Variants in PGPEP1 observed in about 807,000 individuals in gnomAD.
The protein encoded by PGPEP1 is pyroglutamyl-peptidase 1.
In PGPEP1, 15 loss-of-function variants were observed where a neutral mutation model predicts 24.1. The observed-to-expected ratio is 0.62, with a 90% CI of 0.42 to 0.96. The LOEUF (loss-of-function observed/expected upper bound fraction) is 0.96. Ranked by LOEUF, PGPEP1 falls within the 40% of genes least tolerant of loss-of-function variation. The pLI, the probability that PGPEP1 is intolerant of heterozygous loss-of-function variation, is 0.00. For synonymous variants in PGPEP1, 122 were observed against 116.4 expected (o/e 1.05, Z -0.31); for missense variants, 242 against 273.4 (o/e 0.89, Z 0.81).
In PGPEP1 at chr19:18,367,632, A is replaced by C. The variant is rs375049809; in HGVS notation, c.*4049A>C. On this transcript the variant is annotated 3_prime_UTR_variant, in exon 5 of 5. Coordinates refer to ENST00000269919, the MANE Select transcript of PGPEP1 (RefSeq NM_017712.4). ...AAGAAATAAGATGGAGTGGAAAGGAAAGAAAGGAAGAAGCAGGAATTCAAG... is the reference window on the plus strand; with the variant it reads ...AAGAAATAAGATGGAGTGGAAAGGACAGAAAGGAAGAAGCAGGAATTCAAG... 2.0e-5 allele frequency: 3 copies of C among 151,934 alleles called. No individual in the cohort carries two copies. The highest frequency in any genetic ancestry group is 7.3e-5 in the African/African-American group (3 of 41,288). 9.4% of individuals were successfully genotyped at this position (151,934 alleles called of 1,614,324 possible).
chr19:18,353,409 C>T lies in PGPEP1; in HGVS notation c.88-2486C>T, dbSNP rs193235630. On this transcript the variant is annotated intron_variant, in intron 2 of 4. Transcript: ENST00000269919. ...GCTAATTTGTATTTTCGAGTTTTGC[C>T]GTATTGGCCAGGCTGGTCTTCAACT... Among the ~76,000 whole-genome samples, 30 of 152,020 alleles carry T rather than the reference C, an allele frequency of 2.0e-4. 1 individual carries two copies. Among genetic ancestry groups the T allele is most frequent in the South Asian group, 4.2e-4 (2 of 4,804 alleles).
In PGPEP1 at chr19:18,340,693, G is replaced by A. The variant is rs765846256; in HGVS notation, c.12G>A (p.Pro4=). MEQ[P]RKAVVVTGFG... is the part of the protein sequence containing the mutation. ...AGCCCGATCCCGCCATGGAGCAGCC[G>A]AGGAAGGCGGTGGTAGTGACGGGTA... Residue 4 remains proline, a synonymous_variant, in exon 1 of 5, where the codon CCG becomes CCA. Transcript: ENST00000269919. The A allele has an allele frequency of 4.5e-6, 7 of 1,541,368 alleles. No homozygotes were observed. The highest frequency in any genetic ancestry group is 3.6e-5 in the South Asian group (3 of 84,052).
chr19:18,356,008 A>G lies in PGPEP1; in HGVS notation c.201A>G (p.Pro67=), dbSNP rs937512164. 27 of 1,592,436 alleles carry G rather than the reference A, an allele frequency of 1.7e-5. No individual in the cohort carries two copies. The highest frequency in any genetic ancestry group is 2.2e-5 in the Non-Finnish European group (25 of 1,160,602). The change falls in exon 3 of 5, where the codon CCA becomes CCG. Residue 67 remains proline (P), a synonymous_variant. Transcript: ENST00000269919. Reference sequence around the variant, plus strand: ...CCGCCCTGTGGGAGAAGCACAGTCCACAGGTGAGTGGTGCCAAGGGGCGGC... The same window carrying G: ...CCGCCCTGTGGGAGAAGCACAGTCCGCAGGTGAGTGGTGCCAAGGGGCGGC... ...LIPALWEKHS[P]QLVVHVGVSG...
At position 18,363,580 on chromosome 19, in the gene PGPEP1, C is replaced by G. The variant is rs1971419488; in HGVS notation, c.627C>G (p.His209Gln). 6.2e-7 allele frequency: 1 copy of G among 1,611,702 alleles called. No homozygotes were observed. Among genetic ancestry groups the G allele is most frequent in the Admixed American group, 1.7e-5 (1 of 59,694 alleles). ...GCAAAATCAACTATTGCCACAAACACTGAGGGACGCTCAGGTCTCCTAAGA... is the reference window on the plus strand; with the variant it reads ...GCAAAATCAACTATTGCCACAAACAGTGAGGGACGCTCAGGTCTCCTAAGA... ...SEGKINYCHK[H>Q] Residue 209 changes from histidine to glutamine, a missense_variant, in exon 5 of 5, where the codon CAC becomes CAG. Transcript: ENST00000269919.
chr19:18,362,587 G>A (rs1339496459), intron 4 of PGPEP1, among the ~76,000 whole-genome samples: 1 of 150,446 alleles, frequency 6.6e-6, no homozygotes, highest in East Asian at 2.0e-4. Context: ...TTAGCCAGAC[G>A]TGGTGTGGCC....
In PGPEP1 at chr19:18,342,895, G is replaced by T. The variant is rs1970714855; in HGVS notation, c.71G>T (p.Ser24Ile). ...TTTGGGGAACACACCGTGAACGCCA[G>T]TTGGATTGCAGTTCAGGTAACTTAG... ...GPFGEHTVNA[S>I]WIAVQELEKL... The change falls in exon 2 of 5, where the codon AGT (serine) becomes ATT (isoleucine). Residue 24 changes from serine to isoleucine, a missense_variant. Physicochemically the swap from Ser to Ile is moderately radical, Grantham distance 142. Transcript: ENST00000269919. 1 of 1,613,806 alleles carries T rather than the reference G, an allele frequency of 6.2e-7. No homozygotes were observed. The highest frequency in any genetic ancestry group is 8.5e-7 in the Non-Finnish European group (1 of 1,179,666).
chr19:18,356,764 C>T (rs992047740), intron 3 of PGPEP1, among the ~76,000 whole-genome samples: 1 of 147,394 alleles, frequency 6.8e-6, no homozygotes, highest in Non-Finnish European at 1.5e-5. Flanking sequence ...CAAGACCAGG[C>T]ATGGTGGCTC....
In PGPEP1 at chr19:18,366,821, T is replaced by C. The variant is rs1211897234; in HGVS notation, c.*3238T>C. The C allele has an allele frequency of 6.6e-6, 1 of 152,138 alleles. No individual in the cohort carries two copies. Among genetic ancestry groups the C allele is most frequent in the Non-Finnish European group, 1.5e-5 (1 of 68,038 alleles). The allele number at this position is 152,138 out of a possible 1,614,324, so 9.4% of individuals were successfully genotyped here. ...TGGTGGAACTCATCTGTGCACTCTC[T>C]GGTGTGTTTTTCCACCTTTGTTGGG... On this transcript the variant is annotated 3_prime_UTR_variant, in exon 5 of 5. Transcript: ENST00000269919.
At chr19:18,355,278 G>T (rs1435332492) in intron 2 of PGPEP1, among the ~76,000 whole-genome samples, 1 of 145,696 alleles carries the variant, frequency 6.9e-6, no homozygotes, top group Non-Finnish European at 1.5e-5. Context: ...CTTTTTTTTT[G>T]AGATGGAGTT....
chr19:18,343,385 C>T (rs531776472), intron 2 of PGPEP1, among the ~76,000 whole-genome samples: 4 of 152,284 alleles, frequency 2.6e-5, no homozygotes, highest in African/African-American at 7.2e-5. Context: ...TGTACCCCAG[C>T]GCTCTGAATC....
At chr19:18,359,886 T>G (rs182696720) in intron 4 of PGPEP1, among the ~76,000 whole-genome samples, 234 of 152,254 alleles carry the variant, frequency 1.5e-3, no homozygotes, top group Non-Finnish European at 2.8e-3. Flanking sequence ...CCAGACCAAG[T>G]TATACCCTCC....
chr19:18,361,324 G>T (rs926697484), intron 4 of PGPEP1, among the ~76,000 whole-genome samples: 1 of 151,604 alleles, frequency 6.6e-6, no homozygotes, highest in Non-Finnish European at 1.5e-5. Context: ...TTTTAGTTGA[G>T]ATGAGGTTTT....
At chr19:18,358,133 C>T (rs1466339298) in intron 4 of PGPEP1, 1 of 179,364 alleles carries the variant, frequency 5.6e-6, no homozygotes, top group East Asian at 1.6e-4. Context: ...GGCTTGTAGA[C>T]ACATCGCTCC....
intron 2 of PGPEP1, among the ~76,000 whole-genome samples, chr19:18,347,775 A>G (rs1188065750): frequency 6.6e-6 from 1 of 151,938 alleles, no homozygotes; most frequent in African/African-American, 2.4e-5. Context: ...CTGGGACTAC[A>G]GGTGCACGCC....
chr19:18,369,536 T>G lies in PGPEP1; in HGVS notation c.*5953T>G, dbSNP rs563377578. 6.6e-6 allele frequency: 1 copy of G among 152,302 alleles called. No individual in the cohort carries two copies. The highest frequency in any genetic ancestry group is 1.9e-4 in the East Asian group (1 of 5,162). The allele number at this position is 152,302 out of a possible 1,614,324, so 9.4% of individuals were successfully genotyped here. A position where few individuals can be genotyped will look rare whatever the true frequency, so the allele number is the denominator to read the frequency against. The stretch of plus-strand genomic sequence containing the variant: ...TTCCACATAGGGATTTGAATTAGGC[T>G]TTCTGCTTGCCAAGGCCTGTGGCAT... On this transcript the variant is annotated 3_prime_UTR_variant, in exon 5 of 5. Coordinates refer to ENST00000269919, the MANE Select transcript of PGPEP1 (RefSeq NM_017712.4).
At chr19:18,360,745 G>A (rs1046487076) in intron 4 of PGPEP1, among the ~76,000 whole-genome samples, 4 of 151,618 alleles carry the variant, frequency 2.6e-5, no homozygotes, top group Non-Finnish European at 5.9e-5. Context: ...GGCTGGTCTC[G>A]AACTCCTGAC....
At chr19:18,355,811 C>A in intron 2 of PGPEP1, 84 bp from the exon 3 acceptor site, 1 of 834,344 alleles carries the variant, frequency 1.2e-6, no homozygotes, top group African/African-American at 1.7e-5. Flanking sequence ...CTGGAGAACG[C>A]CTGTTTGTTT....
At chr19:18,353,260 C>T (rs1971089746) in intron 2 of PGPEP1, among the ~76,000 whole-genome samples, 1 of 151,420 alleles carries the variant, frequency 6.6e-6, no homozygotes, top group East Asian at 1.9e-4. Context: ...CCCCGTTGCC[C>T]AGGCCATAGC....
chr19:18,352,202 GC>G (rs2144551993), intron 2 of PGPEP1, among the ~76,000 whole-genome samples: 1 of 145,688 alleles, frequency 6.9e-6, no homozygotes, highest in Non-Finnish European at 1.5e-5. Context: ...AACCCGGGAG[GC>G]GGAGCTTGCA....
Sources: gnomAD v4.1 joint callset for allele counts (sites outside exome capture counted in the v4.1 genomes callset) on GRCh38, gnomAD v4.1.1 for gene constraint, MANE v1.5 for transcripts, NCBI Gene and HGNC (gene_info 2026-07-23, HGNC 2026-07-21) for gene names.